Variants in DUSP10 observed in about 807,000 individuals in gnomAD.
DUSP10 encodes dual specificity phosphatase 10.
A neutral mutation model predicts 30.8 loss-of-function variants in DUSP10; 14 were observed. The observed-to-expected ratio is 0.46, with a 90% confidence interval of 0.30 to 0.71. DUSP10 has a LOEUF of 0.71. Ranked by LOEUF, DUSP10 falls within the 30% of genes least tolerant of loss-of-function variation. The pLI, the probability that DUSP10 is intolerant of heterozygous loss-of-function variation, is 0.08. For synonymous variants in DUSP10, 254 were observed against 250.4 expected, an observed-to-expected ratio of 1.01 and a Z score of -0.14; for missense variants, 550 against 619.4, an observed-to-expected ratio of 0.89 and a Z score of 1.19.
chr1:221,720,415 G>C (rs1465038526), intron 2 of DUSP10, among the ~76,000 whole-genome samples: 1 of 152,206 alleles, frequency 6.6e-6, no homozygotes, highest in African/African-American at 2.4e-5. Context: ...TCCTTCATCT[G>C]ACTGTCCATC....
rs1660789957 is a variant in DUSP10 at position 221,706,972 on chromosome 1, C to A, written c.812-506G>T. 6.6e-6 allele frequency among the ~76,000 whole-genome samples: 1 copy of A among 152,190 alleles called. No individual in the cohort carries two copies. Among genetic ancestry groups the A allele is most frequent in the African/African-American group, 2.4e-5 (1 of 41,442 alleles). On this transcript the variant is annotated intron_variant, in intron 2 of 3. Transcript: ENST00000366899. The surrounding 1 kb of genome is among the most constrained non-coding windows in gnomAD (Gnocchi z 4.6). ...CCCAATACAGCAGAGTGGTTACAAG[C>A]AGGAACATTGGAAGAGACAGGTTAT...
intron 2 of DUSP10, among the ~76,000 whole-genome samples, chr1:221,712,882 C>T (rs1276409996): frequency 2.0e-5 from 3 of 150,506 alleles, no homozygotes; most frequent in Non-Finnish European, 2.9e-5. Flanking sequence ...GTATTCTGGG[C>T]TATCTTTCCA....
intron 1 of DUSP10, among the ~76,000 whole-genome samples, chr1:221,741,387 C>T (rs930648520): frequency 2.0e-5 from 3 of 152,088 alleles, no homozygotes; most frequent in African/African-American, 7.2e-5. Context: ...CGCGCTGGGA[C>T]CCCCACCTCC....
In DUSP10 at chr1:221,739,514, A is replaced by G. The variant is rs910289170; in HGVS notation, c.231T>C (p.Ser77=). 3 of 1,614,034 alleles carry G rather than the reference A, an allele frequency of 1.9e-6. No homozygotes were observed. The highest frequency in any genetic ancestry group is 2.7e-5 in the African/African-American group (2 of 74,916). ...AGGTTGCCACAGTGCAGCAGCTGGC[A>G]CTGCTGCATCCACAATTCAGCGAGC... ...SARSLNCGCS[S]ASCCTVATYD... The change falls in exon 2 of 4, where the codon AGT becomes AGC. Residue 77 remains serine (S), a synonymous_variant. Transcript: ENST00000366899.
chr1:221,724,174 T>A (rs908808015), intron 2 of DUSP10, among the ~76,000 whole-genome samples: 38 of 152,184 alleles, frequency 2.5e-4, no homozygotes, highest in African/African-American at 8.9e-4. Flanking sequence ...GGCTCTGGAG[T>A]CAGGCAGGTC....
chr1:221,703,459 T>C (rs1226510218), intron 3 of DUSP10, among the ~76,000 whole-genome samples: 1 of 152,202 alleles, frequency 6.6e-6, no homozygotes, highest in East Asian at 1.9e-4. Context: ...GATACTATGT[T>C]CAGCTTCTCC....
chr1:221,736,869 C>T (rs1345590906), intron 2 of DUSP10: 3 of 985,332 alleles, frequency 3.0e-6, no homozygotes, highest in African/African-American at 1.7e-5. Context: ...TCTTCCAAGT[C>T]GACTGCCGCG....
At chr1:221,707,671 A>G (rs1558116576) in intron 2 of DUSP10, among the ~76,000 whole-genome samples, 1 of 152,234 alleles carries the variant, frequency 6.6e-6, no homozygotes, top group Non-Finnish European at 1.5e-5. Flanking sequence ...TGTTTTATAT[A>G]TATTTTAAAA....
rs1660766190 is a variant in DUSP10, at chr1:221,706,499, G to A, written c.812-33C>T. The stretch of plus-strand genomic sequence containing the variant: ...ACAAACACAGAAGGTGAGTGTGACT[G>A]AGATTTCAGAGCTGGCAGAGAATGC... On this transcript the variant is annotated intron_variant, in intron 2 of 3. Transcript: ENST00000366899. This position sits in a 1 kb window ranked among gnomAD's most constrained non-coding sequence, Gnocchi z 4.6. 2 of 1,423,546 alleles carry A rather than the reference G, an allele frequency of 1.4e-6. No homozygotes were observed. Among genetic ancestry groups the A allele is most frequent in the Non-Finnish European group, 1.8e-6 (2 of 1,082,378 alleles). The allele number at this position is 1,423,546 out of a possible 1,614,324, so 88.2% of individuals were successfully genotyped here.
intron 2 of DUSP10, among the ~76,000 whole-genome samples, chr1:221,717,003 C>T (rs2102628800): frequency 6.6e-6 from 1 of 152,300 alleles, no homozygotes; most frequent in Non-Finnish European, 1.5e-5. Flanking sequence ...CCTGCCCCTC[C>T]CCACTCCATC....
At chr1:221,733,634 T>A (rs1436761375) in intron 2 of DUSP10, among the ~76,000 whole-genome samples, 1 of 152,214 alleles carries the variant, frequency 6.6e-6, no homozygotes, top group Admixed American at 6.5e-5. Flanking sequence ...AGAGGCTTGA[T>A]TTATTGACAG....
chr1:221,715,607 A>G, intron 2 of DUSP10, among the ~76,000 whole-genome samples: 1 of 152,244 alleles, frequency 6.6e-6, no homozygotes, highest in Non-Finnish European at 1.5e-5. Context: ...TTGAGAGGAT[A>G]CCTCAGAAGT....
Position 221,739,807 on chromosome 1 carries a change from G to A in DUSP10, c.-43-20C>T, listed in dbSNP as rs1398052107. 2.7e-6 allele frequency: 4 copies of A among 1,503,438 alleles called. No homozygotes were observed. The highest frequency in any genetic ancestry group is 1.8e-6 in the Non-Finnish European group (2 of 1,131,294). The allele number at this position is 1,503,438 out of a possible 1,614,324, so 93.1% of individuals were successfully genotyped here. On this transcript the variant is annotated intron_variant, in intron 1 of 3. Transcript: ENST00000366899. Reference sequence around the variant, plus strand: ...GACAGTCTGTAAAGAAGGGGAAGGGGGAAAGAAAGAATAAAGTCACGTGAC... The same window carrying A: ...GACAGTCTGTAAAGAAGGGGAAGGGAGAAAGAAAGAATAAAGTCACGTGAC...
At position 221,701,907 on chromosome 1, in the gene DUSP10, A is replaced by C. The variant is rs1660617542; in HGVS notation, c.*505T>G. The C allele has an allele frequency of 2.0e-5, 3 of 152,552 alleles. No homozygotes were observed. Among genetic ancestry groups the C allele is most frequent in the Admixed American group, 1.3e-4 (2 of 15,284 alleles). 9.4% of individuals were successfully genotyped at this position (152,552 alleles called of 1,614,324 possible). On this transcript the variant is annotated 3_prime_UTR_variant, in exon 4 of 4. Coordinates refer to ENST00000366899, the MANE Select transcript of DUSP10 (RefSeq NM_007207.6). ...GCCTGAAGGATTCTTAGACCACTTA[A>C]GCTGCCCTGATCTTCTCTTTGCACC...
At chr1:221,721,458 T>C (rs1273600432) in intron 2 of DUSP10, among the ~76,000 whole-genome samples, 2 of 152,182 alleles carry the variant, frequency 1.3e-5, no homozygotes, top group East Asian at 3.9e-4. Flanking sequence ...CAGCTGTAAC[T>C]CACACAGTCA....
At chr1:221,725,965 T>C (rs757434898) in intron 2 of DUSP10, among the ~76,000 whole-genome samples, 1 of 152,264 alleles carries the variant, frequency 6.6e-6, no homozygotes, top group Non-Finnish European at 1.5e-5. Flanking sequence ...TTAATAGCGC[T>C]GAGTGGTGCT....
At position 221,739,019 on chromosome 1, in the gene DUSP10, T is replaced by C. The variant is rs1141714; in HGVS notation, c.726A>G (p.Glu242=). ...GCTGGGAGGGCATCACTCGGCTTGG[T>C]TCATTGGTATTCTCATCATAAACTA... The part of the protein sequence containing the change: ...EIIVYDENTN[E]PSRVMPSQPL... The change falls in exon 2 of 4, where the codon GAA becomes GAG. Residue 242 remains glutamate, a synonymous_variant. Transcript: ENST00000366899. 1,089,960 of 1,613,802 alleles carry C rather than the reference T, an allele frequency of 0.68. 369,755 individuals carry two copies. Among genetic ancestry groups the C allele is most frequent in the African/African-American group, 0.82 (61,717 of 74,954 alleles).
intron 2 of DUSP10, among the ~76,000 whole-genome samples, chr1:221,732,059 A>T (rs1014710479): frequency 1.8e-4 from 28 of 152,382 alleles, no homozygotes; most frequent in African/African-American, 6.7e-4. Context: ...CAAGATGGAA[A>T]GGATCTGGAA....
At chr1:221,713,156 A>C (rs1311626838) in intron 2 of DUSP10, among the ~76,000 whole-genome samples, 1 of 152,170 alleles carries the variant, frequency 6.6e-6, no homozygotes, top group Non-Finnish European at 1.5e-5. Flanking sequence ...GGAAAAGGAG[A>C]CCATCCTGCA....
Sources: gnomAD v4.1 joint callset for allele counts (sites outside exome capture counted in the v4.1 genomes callset) on GRCh38, gnomAD v4.1.1 for gene constraint, Gnocchi (gnomAD v3.1) non-coding constraint, MANE v1.5 for transcripts, NCBI Gene and HGNC (gene_info 2026-07-23, HGNC 2026-07-21) for gene names.